Variants in NRXN3 observed in about 807,000 individuals in gnomAD.
NRXN3 encodes the protein neurexin 3.
NRXN3 carries 32 observed loss-of-function variants against 137.6 expected under a neutral mutation model. That is an observed-to-expected ratio of 0.23 (90% CI 0.18 to 0.31). The LOEUF is 0.31. Ranked by LOEUF, NRXN3 falls within the 10% of genes least tolerant of loss-of-function variation. The pLI, the probability that NRXN3 is intolerant of heterozygous loss-of-function variation, is 1.00. For missense variants in NRXN3, 1,574 were observed against 2,062.5 expected, an observed-to-expected ratio of 0.76 and a Z score of 4.59; for synonymous variants, 798 against 784.5, an observed-to-expected ratio of 1.02 and a Z score of -0.29.
At chr14:78,460,975 C>A (rs545733805) in intron 4 of NRXN3, among the ~76,000 whole-genome samples, 1 of 152,178 alleles carries the variant, frequency 6.6e-6, no homozygotes, top group Non-Finnish European at 1.5e-5. Flanking sequence ...CCTCTGAAAT[C>A]AGGCCTGTTG....
chr14:79,029,842 G>A (rs1342573868), intron 15 of NRXN3, among the ~76,000 whole-genome samples: 1 of 151,696 alleles, frequency 6.6e-6, no homozygotes, highest in Non-Finnish European at 1.5e-5. Context: ...TTGTTTGTTT[G>A]TTTGTTTATT....
chr14:78,836,243 A>G (rs2098996569), intron 10 of NRXN3, among the ~76,000 whole-genome samples: 1 of 152,236 alleles, frequency 6.6e-6, no homozygotes, highest in Admixed American at 6.5e-5. Context: ...AGAGAATGTT[A>G]CTTATTCTAT....
intron 4 of NRXN3, among the ~76,000 whole-genome samples, chr14:78,512,425 C>T (rs2096126275): frequency 6.6e-6 from 1 of 152,124 alleles, no homozygotes; most frequent in African/African-American, 2.4e-5. Context: ...TAGATTTGCC[C>T]ATTATTTCAC....
intron 20 of NRXN3, among the ~76,000 whole-genome samples, chr14:79,806,881 C>T (rs1432724059): frequency 3.7e-5 from 5 of 136,128 alleles, no homozygotes; most frequent in Non-Finnish European, 7.6e-5. Flanking sequence ...ATCCTCAATA[C>T]GTACATTAAA....
At chr14:79,525,281 G>A (rs2097108302) in intron 16 of NRXN3, among the ~76,000 whole-genome samples, 1 of 152,080 alleles carries the variant, frequency 6.6e-6, no homozygotes, top group Non-Finnish European at 1.5e-5. Context: ...ATTTTTTAAA[G>A]ACCTTCTAAC....
intron 16 of NRXN3, among the ~76,000 whole-genome samples, chr14:79,525,329 G>T (rs2097108614): frequency 6.6e-6 from 1 of 151,960 alleles, no homozygotes; most frequent in South Asian, 2.1e-4. Flanking sequence ...TTAATTATTG[G>T]TGCTAGTTCC....
intron 4 of NRXN3, among the ~76,000 whole-genome samples, chr14:78,324,973 G>A (rs1374438650): frequency 1.3e-5 from 2 of 151,914 alleles, no homozygotes; most frequent in African/African-American, 4.9e-5. Context: ...TGCTAAATTG[G>A]GAGGTGTCAT....
chr14:79,060,598 A>G (rs1261541245), intron 15 of NRXN3, among the ~76,000 whole-genome samples: 2 of 152,172 alleles, frequency 1.3e-5, no homozygotes, highest in East Asian at 1.9e-4. Flanking sequence ...CCAAAGTAAT[A>G]TGATGAAAAG....
chr14:78,601,135 G>T (rs1229179414), intron 4 of NRXN3, among the ~76,000 whole-genome samples: 1 of 152,130 alleles, frequency 6.6e-6, no homozygotes, highest in African/African-American at 2.4e-5. Context: ...CAGTTTTGCA[G>T]CTGAATTTTA....
intron 4 of NRXN3, among the ~76,000 whole-genome samples, chr14:78,451,855 G>A (rs947667575): frequency 6.6e-6 from 1 of 152,216 alleles, no homozygotes; most frequent in Non-Finnish European, 1.5e-5. Flanking sequence ...ATTTGCAGGC[G>A]TTAGAATGGG....
intron 16 of NRXN3, among the ~76,000 whole-genome samples, chr14:79,473,625 C>A (rs1354695986): frequency 6.6e-6 from 1 of 152,122 alleles, no homozygotes; most frequent in Admixed American, 6.6e-5. Flanking sequence ...GTTTTTGAGA[C>A]TGGTAACGCA....
At chr14:78,445,494 C>T (rs959018257) in intron 4 of NRXN3, among the ~76,000 whole-genome samples, 4 of 152,176 alleles carry the variant, frequency 2.6e-5, no homozygotes, top group African/African-American at 9.7e-5. Flanking sequence ...GCAGAAGGAG[C>T]TTTGGTGGCT....
At chr14:78,261,144 ATTCAATCTGG>A (rs2070646780) in intron 2 of NRXN3, among the ~76,000 whole-genome samples, 1 of 152,152 alleles carries the variant, frequency 6.6e-6, no homozygotes, top group Non-Finnish European at 1.5e-5. Context: ...CTCACCCCCT[ATTCAATCTGG>A]CATTGAATGG....
chr14:78,906,363 T>C (rs1181905869), intron 10 of NRXN3, among the ~76,000 whole-genome samples: 1 of 151,960 alleles, frequency 6.6e-6, no homozygotes, highest in Non-Finnish European at 1.5e-5. Flanking sequence ...CATATCTACT[T>C]CCTCTGTTAT....
intron 4 of NRXN3, among the ~76,000 whole-genome samples, chr14:78,490,953 G>A (rs547703035): frequency 2.0e-5 from 3 of 152,018 alleles, no homozygotes; most frequent in Non-Finnish European, 4.4e-5. Flanking sequence ...TCCCTTTGCC[G>A]GTCTACCATC....
intron 19 of NRXN3, among the ~76,000 whole-genome samples, chr14:79,700,376 CT>C (rs2154031281): frequency 6.6e-6 from 1 of 152,148 alleles, no homozygotes. Context: ...CCATTATTCA[CT>C]TTTTTATCTA....
intron 4 of NRXN3, among the ~76,000 whole-genome samples, chr14:78,605,383 TA>T (rs1432435542): frequency 2.0e-5 from 3 of 152,138 alleles, no homozygotes; most frequent in Non-Finnish European, 2.9e-5. Flanking sequence ...CTCTGCCCTA[TA>T]AAAGGAGGAG....
intron 4 of NRXN3, among the ~76,000 whole-genome samples, chr14:78,341,508 G>T (rs2082144103): frequency 6.6e-6 from 1 of 152,166 alleles, no homozygotes; most frequent in Non-Finnish European, 1.5e-5. Flanking sequence ...TAGACAATAT[G>T]TAAAAAATGA....
At chr14:79,379,919 G>A (rs931865472) in intron 15 of NRXN3, among the ~76,000 whole-genome samples, 2 of 151,078 alleles carry the variant, frequency 1.3e-5, no homozygotes, top group Admixed American at 6.6e-5. Context: ...CACAATATAC[G>A]AAGTACATTC....
Sources: gnomAD v4.1 joint callset for allele counts (sites outside exome capture counted in the v4.1 genomes callset) on GRCh38, gnomAD v4.1.1 for gene constraint, MANE v1.5 for transcripts, NCBI Gene and HGNC (gene_info 2026-07-23, HGNC 2026-07-21) for gene names.